The following RIMS2 variants were observed in gnomAD, a reference collection of about 807,000 sequenced individuals.
RIMS2 encodes the protein regulating synaptic membrane exocytosis protein 2.
A neutral mutation model predicts 174.4 loss-of-function variants in RIMS2; 59 were observed. The observed-to-expected ratio is 0.34, with a 90% CI of 0.27 to 0.42. The LOEUF is 0.42. RIMS2 is among the 10% of genes least tolerant of loss of function. The pLI is 1.00. For missense variants in RIMS2, 1,620 were observed against 1,666.3 expected, an observed-to-expected ratio of 0.97 and a Z score of 0.48; for synonymous variants, 606 against 572.5, an observed-to-expected ratio of 1.06 and a Z score of -0.84.
intron 19 of RIMS2, among the ~76,000 whole-genome samples, chr8:104,069,561 C>T (rs1277630189): frequency 2.7e-5 from 4 of 150,548 alleles, no homozygotes; most frequent in East Asian, 2.0e-4. Context: ...CTCCGCCTCC[C>T]GGGTTCAAGC....
intron 19 of RIMS2, among the ~76,000 whole-genome samples, chr8:104,062,502 A>T (rs1452285478): frequency 3.3e-5 from 5 of 152,220 alleles, no homozygotes; most frequent in Admixed American, 3.3e-4. Context: ...AATATTACAC[A>T]TTCTTATCTC....
At chr8:104,221,013 C>T (rs1437333827) in intron 19 of RIMS2, among the ~76,000 whole-genome samples, 1 of 152,190 alleles carries the variant, frequency 6.6e-6, no homozygotes, top group Non-Finnish European at 1.5e-5. Context: ...ATTTTTCTAA[C>T]CAAGTAACTT....
rs1272939574 is a variant in RIMS2 at position 104,058,326 on chromosome 8, T to C, written c.3334+43711T>C. ...GCATTTCTCTGATGGCCAGTGATGATGAGCATTTTTTCATGTGTCTTTTGG... is the reference window on the plus strand; with the variant it reads ...GCATTTCTCTGATGGCCAGTGATGACGAGCATTTTTTCATGTGTCTTTTGG... On this transcript the variant is annotated intron_variant, in intron 19 of 23. Coordinates refer to ENST00000504942, the Ensembl canonical transcript of RIMS2. Among the ~76,000 whole-genome samples, 35 of 147,602 alleles carry C rather than the reference T, an allele frequency of 2.4e-4. No individual in the cohort carries two copies. The East Asian group carries it at 5.9e-3, about 25-fold the overall frequency.
chr8:103,886,545 T>C (rs1196095032), intron 4 of RIMS2, among the ~76,000 whole-genome samples: 1 of 151,874 alleles, frequency 6.6e-6, no homozygotes, highest in Non-Finnish European at 1.5e-5. Flanking sequence ...TTATTTTTTG[T>C]CTCCTTATAA....
chr8:104,192,251 T>C (rs1225156359), intron 19 of RIMS2, among the ~76,000 whole-genome samples: 1 of 152,176 alleles, frequency 6.6e-6, no homozygotes, highest in African/African-American at 2.4e-5. Context: ...CTGAGTGATA[T>C]ACTTTAAAAA....
chr8:103,821,299 G>T lies in RIMS2; in HGVS notation c.698+54762G>T, dbSNP rs571452209. On this transcript the variant is annotated intron_variant, in intron 3 of 23. Coordinates refer to ENST00000504942, the Ensembl canonical transcript of RIMS2. ...TTAAAATCTGGACTTTTATGCTGCT[G>T]CTCTTAAACATAAGATTATGAAGTT... 2.8e-3 allele frequency among the ~76,000 whole-genome samples: 425 copies of T among 151,656 alleles called. 4 individuals carry two copies. Among genetic ancestry groups the T allele is most frequent in the African/African-American group, 9.9e-3 (410 of 41,486 alleles).
chr8:104,213,749 C>T (rs576924562), intron 19 of RIMS2, among the ~76,000 whole-genome samples: 47 of 151,564 alleles, frequency 3.1e-4, no homozygotes, highest in African/African-American at 1.9e-4. Context: ...TGGTGGCACG[C>T]GCCTGTAGTC....
chr8:104,035,107 C>T (rs923843625), intron 19 of RIMS2, among the ~76,000 whole-genome samples: 1 of 152,040 alleles, frequency 6.6e-6, no homozygotes, highest in Non-Finnish European at 1.5e-5. Flanking sequence ...GGACATATAA[C>T]TTTAAAATGA....
rs555670243 is a variant in RIMS2 at position 103,607,856 on chromosome 8, T to C, written c.177-89230T>C. ...AGCCTTGGTTTTCAGCTCCATCAGC[T>C]CCTTTAAGCACTTCTCTGTATTGGT... is the stretch of plus-strand genomic sequence containing the variant. On this transcript the variant is annotated intron_variant, in intron 1 of 23. Coordinates refer to ENST00000504942, the Ensembl canonical transcript of RIMS2. Among the ~76,000 whole-genome samples, 20 of 134,218 alleles carry C rather than the reference T, an allele frequency of 1.5e-4. No homozygotes were observed. The East Asian group carries it at 2.9e-3, about 20-fold the overall frequency. The allele number at this position is 134,218 out of a possible 152,430, so 88.1% of individuals were successfully genotyped here. A position where few individuals can be genotyped will look rare whatever the true frequency, so the allele number is the denominator to read the frequency against.
At chr8:103,651,674 A>G (rs943132311) in intron 1 of RIMS2, among the ~76,000 whole-genome samples, 1 of 152,116 alleles carries the variant, frequency 6.6e-6, no homozygotes, top group Non-Finnish European at 1.5e-5. Flanking sequence ...ATACCTAGTT[A>G]TTTTAATAGC....
At chr8:104,243,144 A>G (rs1279423802) in intron 19 of RIMS2, among the ~76,000 whole-genome samples, 1 of 152,204 alleles carries the variant, frequency 6.6e-6, no homozygotes, top group Non-Finnish European at 1.5e-5. Context: ...GTTACAGTTC[A>G]TATCAGTACA....
At chr8:104,006,927 G>A (rs977743702) in intron 17 of RIMS2, among the ~76,000 whole-genome samples, 32 of 151,900 alleles carry the variant, frequency 2.1e-4, no homozygotes, top group Middle Eastern at 3.4e-3. Flanking sequence ...AATTTATATG[G>A]TGATTTGTCA....
At chr8:103,840,853 G>C (rs945961041) in intron 3 of RIMS2, among the ~76,000 whole-genome samples, 2 of 152,118 alleles carry the variant, frequency 1.3e-5, no homozygotes, top group Non-Finnish European at 2.9e-5. Context: ...AGGTACACTT[G>C]TTATTTTGAC....
At chr8:103,834,676 T>TTTTTCTTTC (rs1554867206) in intron 3 of RIMS2, among the ~76,000 whole-genome samples, 4 of 120,012 alleles carry the variant, frequency 3.3e-5, no homozygotes, top group African/African-American at 9.7e-5. Flanking sequence ...TCTGAGGTCT[T>TTTTTCTTTC]TTTCTTTCTT....
intron 8 of RIMS2, among the ~76,000 whole-genome samples, chr8:103,917,585 A>G (rs80196525): frequency 0.026 from 3,986 of 152,320 alleles, 157 homozygotes; most frequent in African/African-American, 0.088. Flanking sequence ...TTACTGAATG[A>G]ATGTAACCAT....
intron 1 of RIMS2, among the ~76,000 whole-genome samples, chr8:103,641,043 A>G (rs571759213): frequency 1.3e-5 from 2 of 152,112 alleles, no homozygotes; most frequent in Non-Finnish European, 2.9e-5. Flanking sequence ...ATGCACACAC[A>G]CATTAAGGAT....
intron 19 of RIMS2, among the ~76,000 whole-genome samples, chr8:104,125,977 C>T (rs1287388703): frequency 3.9e-5 from 6 of 151,992 alleles, no homozygotes; most frequent in East Asian, 1.9e-4. Flanking sequence ...CTTTGCTGGC[C>T]GCCTTTGTGT....
chr8:103,821,974 A>G (rs2098754929), intron 3 of RIMS2, among the ~76,000 whole-genome samples: 1 of 151,672 alleles, frequency 6.6e-6, no homozygotes, highest in Admixed American at 6.6e-5. Context: ...TCTGGAAAGA[A>G]CAGTTTTGGT....
chr8:103,702,544 A>G (rs1344680012), intron 2 of RIMS2, among the ~76,000 whole-genome samples: 2 of 152,142 alleles, frequency 1.3e-5, no homozygotes, highest in Non-Finnish European at 2.9e-5. Flanking sequence ...GTAGTGCCAC[A>G]GTTTCAGGTC....
Sources: gnomAD v4.1 joint callset for allele counts (sites outside exome capture counted in the v4.1 genomes callset) on GRCh38, gnomAD v4.1.1 for gene constraint, MANE v1.5 for transcripts, NCBI Gene and HGNC (gene_info 2026-07-23, HGNC 2026-07-21) for gene names.